PNPLA1: variants seen among roughly 807,000 people sequenced by gnomAD.
PNPLA1 encodes omega-hydroxyceramide transacylase.
In PNPLA1, 36 loss-of-function variants were observed where a neutral mutation model predicts 51.7. The ratio of observed to expected loss-of-function variants is 0.70; its 90% CI spans 0.53 to 0.92. The LOEUF (loss-of-function observed/expected upper bound fraction) is 0.92. PNPLA1 is among the 40% of genes least tolerant of loss of function. PNPLA1 has a pLI of 0.00. For missense variants in PNPLA1, 658 were observed against 682.5 expected (o/e 0.96, Z 0.40); for synonymous variants, 293 against 280.1 (o/e 1.05, Z -0.46).
upstream of PNPLA1, among the ~76,000 whole-genome samples, chr6:36,266,470 A>G (rs1769763063): frequency 6.6e-6 from 1 of 152,200 alleles, no homozygotes; most frequent in South Asian, 2.1e-4. Context: ...ATGGGGCTAC[A>G]GGGGTCTCCC....
chr6:36,300,178 T>TGTGTGTGTGTGTGTGAGAGAGA, intron 5 of PNPLA1, among the ~76,000 whole-genome samples: 89 of 98,142 alleles, frequency 9.1e-4, no homozygotes, highest in African/African-American at 2.9e-3. Flanking sequence ...TGTGTGTGTG[T>TGTGTGTGTGTGTGTGAGAGAGA]GAGAGAGAGA....
intron 1 of PNPLA1, among the ~76,000 whole-genome samples, chr6:36,255,347 A>T (rs59374232): frequency 0.031 from 4,712 of 152,272 alleles, 123 homozygotes; most frequent in African/African-American, 0.07. Flanking sequence ...TCTACTAAAA[A>T]TACAAAAATT....
At chr6:36,263,078 A>T (rs1769688049) in intron 1 of PNPLA1, among the ~76,000 whole-genome samples, 1 of 152,266 alleles carries the variant, frequency 6.6e-6, no homozygotes, top group Admixed American at 6.5e-5. Flanking sequence ...CAAATCGTTT[A>T]AAATAACCAA....
intron 1 of PNPLA1, among the ~76,000 whole-genome samples, chr6:36,279,699 A>G (rs1770218722): frequency 6.6e-6 from 1 of 152,190 alleles, no homozygotes; most frequent in Non-Finnish European, 1.5e-5. Flanking sequence ...GATTGGAAAC[A>G]CATCCCTTGG....
At chr6:36,271,475 A>G (rs1769914628) in intron 1 of PNPLA1, among the ~76,000 whole-genome samples, 2 of 152,252 alleles carry the variant, frequency 1.3e-5, no homozygotes, top group African/African-American at 4.8e-5. Flanking sequence ...GAAATTCTAG[A>G]GAAAAGAAAC....
intron 1 of PNPLA1, among the ~76,000 whole-genome samples, chr6:36,288,501 G>A (rs1386969999): frequency 4.7e-5 from 7 of 148,650 alleles, no homozygotes; most frequent in African/African-American, 1.5e-4. Flanking sequence ...GCCGGACTGC[G>A]GACTGCAGTG....
intron 1 of PNPLA1, among the ~76,000 whole-genome samples, chr6:36,277,498 A>G (rs1770141718): frequency 6.6e-6 from 1 of 152,210 alleles, no homozygotes; most frequent in Non-Finnish European, 1.5e-5. Flanking sequence ...CTCTGTTGCA[A>G]CAACCATAAT....
intron 1 of PNPLA1, 52 bp downstream of exon 1, chr6:36,270,716 A>C: frequency 6.5e-7 from 1 of 1,536,186 alleles, no homozygotes; most frequent in Non-Finnish European, 8.8e-7. Context: ...GATTCCACAG[A>C]GACAGAAGGA....
chr6:36,309,979 C>T (rs1023790342), intron 8 of PNPLA1, among the ~76,000 whole-genome samples: 1 of 152,166 alleles, frequency 6.6e-6, no homozygotes, highest in Non-Finnish European at 1.5e-5. Flanking sequence ...TAGAGAGAGG[C>T]TAGAACAAAA....
intron 5 of PNPLA1, among the ~76,000 whole-genome samples, chr6:36,300,178 T>TGTGTGTGTGTGAGAGAGAGA: frequency 1.5e-4 from 15 of 98,140 alleles, no homozygotes; most frequent in Non-Finnish European, 2.3e-4. Flanking sequence ...TGTGTGTGTG[T>TGTGTGTGTGTGAGAGAGAGA]GAGAGAGAGA....
chr6:36,294,328 A>G lies in PNPLA1; in HGVS notation c.643A>G (p.Asn215Asp), dbSNP rs368258031. 5.1e-5 allele frequency: 82 copies of G among 1,614,034 alleles called. No individual in the cohort carries two copies. The highest frequency in any genetic ancestry group is 1.2e-4 in the Admixed American group (7 of 60,006). The part of the protein sequence containing the change: ...PAIFHDFRMF[N>D]CSFQFSLENI... Reference sequence around the variant, plus strand: ...CATCTTCCACGACTTCCGCATGTTCAACTGCTCCTTCCAGTTCTCCCTGGA... The same window carrying G: ...CATCTTCCACGACTTCCGCATGTTCGACTGCTCCTTCCAGTTCTCCCTGGA... Residue 215 changes from asparagine (N) to aspartate (D), a missense_variant, in exon 4 of 9, where the codon AAC (asparagine) becomes GAC (aspartate). Asn to Asp is a conservative substitution (Grantham distance 23, BLOSUM62 1). Coordinates refer to ENST00000636260, the MANE Select transcript of PNPLA1 (RefSeq NM_001374623.1). The surrounding 1 kb of genome is among the most constrained non-coding windows in gnomAD (Gnocchi z 4.2).
chr6:36,277,605 T>TGTGAC (rs1770145583), intron 1 of PNPLA1, among the ~76,000 whole-genome samples: 1 of 152,218 alleles, frequency 6.6e-6, no homozygotes. Flanking sequence ...GGCTCGTGCC[T>TGTGAC]GTGAGCCCAG....
chr6:36,300,449 C>T (rs1300873548), intron 5 of PNPLA1, among the ~76,000 whole-genome samples: 4 of 152,142 alleles, frequency 2.6e-5, no homozygotes, highest in African/African-American at 7.2e-5. Flanking sequence ...CCGCCTCGGC[C>T]TCCCAAAGTG....
At chr6:36,310,817 T>C (rs983701274) in intron 8 of PNPLA1, among the ~76,000 whole-genome samples, 1 of 152,184 alleles carries the variant, frequency 6.6e-6, no homozygotes, top group Admixed American at 6.5e-5. Flanking sequence ...TTACTTTACT[T>C]AGTGGGAGTT....
chr6:36,272,263 A>G (rs1456513854), intron 1 of PNPLA1, among the ~76,000 whole-genome samples: 1 of 152,220 alleles, frequency 6.6e-6, no homozygotes, highest in Non-Finnish European at 1.5e-5. Context: ...TTAGATTCTC[A>G]TAAGGAGTGC....
At chr6:36,301,121 C>A (rs550317127) in intron 5 of PNPLA1, among the ~76,000 whole-genome samples, 2 of 132,026 alleles carry the variant, frequency 1.5e-5, no homozygotes, top group African/African-American at 2.8e-5. Context: ...CCCGCCCCCC[C>A]ACCCACCCAC....
chr6:36,243,893 G>A (rs1309971387), intron 1 of PNPLA1, among the ~76,000 whole-genome samples: 1 of 152,244 alleles, frequency 6.6e-6, no homozygotes, highest in African/African-American at 2.4e-5. Flanking sequence ...AACATCTACA[G>A]CAACCATTTC....
upstream of PNPLA1, among the ~76,000 whole-genome samples, chr6:36,268,491 T>C (rs1769814914): frequency 6.6e-6 from 1 of 152,072 alleles, no homozygotes; most frequent in South Asian, 2.1e-4. Context: ...CAGGTCCCAT[T>C]ACACCCCTTC....
chr6:36,293,039 C>T (rs1029102634), intron 2 of PNPLA1, 22 bp from the exon 3 acceptor site: 6 of 1,603,998 alleles, frequency 3.7e-6, no homozygotes, highest in Non-Finnish European at 4.3e-6. Context: ...TCCAGCATCT[C>T]AGCCCTGTTC....
Sources: allele counts gnomAD v4.1 joint callset (sites outside exome capture counted in the v4.1 genomes callset), GRCh38; gene constraint gnomAD v4.1.1; non-coding constraint Gnocchi (gnomAD v3.1); transcripts MANE v1.5; gene names NCBI Gene and HGNC (gene_info 2026-07-23, HGNC 2026-07-21).